LARP1B: variants seen among roughly 807,000 people sequenced by gnomAD.
The protein encoded by LARP1B is la-related protein 1B.
LARP1B carries 76 observed loss-of-function variants against 114.2 expected under a neutral mutation model. The ratio of observed to expected loss-of-function variants is 0.67; its 90% CI spans 0.55 to 0.81. The LOEUF is 0.81. Ranked by LOEUF, LARP1B falls within the 30% of genes least tolerant of loss-of-function variation. LARP1B has a pLI of 0.00. For missense variants in LARP1B, 1,014 were observed against 1,075.8 expected (o/e 0.94, Z 0.80); for synonymous variants, 345 against 348.0 (o/e 0.99, Z 0.10).
chr4:128,069,803 G>A (rs1326054556), intron 1 of LARP1B, among the ~76,000 whole-genome samples: 1 of 151,588 alleles, frequency 6.6e-6, no homozygotes, highest in Non-Finnish European at 1.5e-5. Flanking sequence ...ATTTTTTTCT[G>A]TCTTTTTTAT....
At chr4:128,079,110 T>A (rs531980544) in intron 4 of LARP1B, among the ~76,000 whole-genome samples, 2 of 148,270 alleles carry the variant, frequency 1.3e-5, no homozygotes, top group Non-Finnish European at 1.5e-5. Flanking sequence ...TTTTTTTTTT[T>A]AAGAGACAGA....
Position 128,122,457 on chromosome 4 carries a change from T to TG in LARP1B, c.1524+269_1524+270insG. The stretch of plus-strand genomic sequence containing the variant: ...ACCCTTGTTTTTTTTTTTTTTTGTT[T>TG]TGTTTTTTTTTGTTTTTGTTTTAGG... On this transcript the variant is annotated intron_variant, in intron 11 of 19. Coordinates refer to ENST00000326639, the MANE Select transcript of LARP1B (RefSeq NM_018078.4). The TG allele has an allele frequency of 4.6e-6, 7 of 1,510,336 alleles. No homozygotes were observed. The African/African-American group carries it at 8.6e-5, about 19-fold the overall frequency. 93.6% of individuals were successfully genotyped at this position (1,510,336 alleles called of 1,614,324 possible).
chr4:128,205,674 C>A (rs1757379018), intron 17 of LARP1B, among the ~76,000 whole-genome samples: 1 of 120,502 alleles, frequency 8.3e-6, no homozygotes, highest in Non-Finnish European at 1.9e-5. Context: ...CACCTGGGAT[C>A]TAGGGCACAG....
intron 1 of LARP1B, among the ~76,000 whole-genome samples, chr4:128,072,276 T>C (rs1765677576): frequency 6.6e-6 from 1 of 152,100 alleles, no homozygotes; most frequent in Non-Finnish European, 1.5e-5. Flanking sequence ...GGTGGGATTA[T>C]AGGCGTGAGC....
At chr4:128,153,929 G>A (rs1467496134) in intron 11 of LARP1B, among the ~76,000 whole-genome samples, 2 of 151,950 alleles carry the variant, frequency 1.3e-5, no homozygotes, top group African/African-American at 2.4e-5. Flanking sequence ...TCCACTTATC[G>A]TAACTTCTAA....
chr4:128,210,141 A>T lies in LARP1B; in HGVS notation c.*88A>T. The T allele has an allele frequency of 6.3e-7, 1 of 1,590,284 alleles. No homozygotes were observed. Among genetic ancestry groups the T allele is most frequent in the Non-Finnish European group, 8.6e-7 (1 of 1,166,124 alleles). On this transcript the variant is annotated 3_prime_UTR_variant, in exon 20 of 20. Transcript: ENST00000326639. ...TGAAAGTTCTTTGTCCTTGAAGTCAACATTTACATCAGTATTTATTTGGGG... is the reference window on the plus strand; with the variant it reads ...TGAAAGTTCTTTGTCCTTGAAGTCATCATTTACATCAGTATTTATTTGGGG...
intron 12 of LARP1B, among the ~76,000 whole-genome samples, chr4:128,162,825 A>T (rs1203767953): frequency 6.6e-6 from 1 of 152,194 alleles, no homozygotes; most frequent in Non-Finnish European, 1.5e-5. Context: ...GAATTTTATA[A>T]TAAAACTCCC....
At chr4:128,207,148 A>G in intron 18 of LARP1B, 108 bp from the exon 19 acceptor site, 1 of 487,314 alleles carries the variant, frequency 2.1e-6, no homozygotes, top group Non-Finnish European at 3.4e-6. Context: ...GATCTAGAGT[A>G]AGCATATATT....
At chr4:128,098,749 A>ATG (rs1561199859) in intron 8 of LARP1B, among the ~76,000 whole-genome samples, 497 of 17,844 alleles carry the variant, frequency 0.028, 61 homozygotes, top group East Asian at 0.042. Context: ...ATGTATGTGT[A>ATG]TATATATATA....
intron 4 of LARP1B, among the ~76,000 whole-genome samples, chr4:128,080,217 A>G (rs1034720487): frequency 6.6e-6 from 1 of 151,838 alleles, no homozygotes; most frequent in African/African-American, 2.4e-5. Flanking sequence ...TCCCAACCTC[A>G]GGTGATCTGC....
intron 5 of LARP1B, among the ~76,000 whole-genome samples, chr4:128,084,624 G>A (rs1675408402): frequency 6.6e-6 from 1 of 151,934 alleles, no homozygotes; most frequent in African/African-American, 2.4e-5. Context: ...GAGGGAGAGG[G>A]GAGAGGGGAG....
intron 1 of LARP1B, chr4:128,062,027 T>TCGC (rs1760333820): frequency 1.0e-6 from 1 of 984,844 alleles, no homozygotes; most frequent in South Asian, 4.7e-5. Context: ...GCCGCCGCCG[T>TCGC]CGCCGTTGCC....
chr4:128,210,665 G>A lies in LARP1B; in HGVS notation c.*612G>A. ...AGTAGGAATATATAGTAAGATTGTAGTTACAATGAGTATATGCACTTTTGA... is the reference window on the plus strand; with the variant it reads ...AGTAGGAATATATAGTAAGATTGTAATTACAATGAGTATATGCACTTTTGA... On this transcript the variant is annotated 3_prime_UTR_variant, in exon 20 of 20. Coordinates refer to ENST00000326639, the MANE Select transcript of LARP1B (RefSeq NM_018078.4). The A allele has an allele frequency of 1.0e-6, 1 of 969,972 alleles. No individual in the cohort carries two copies. The highest frequency in any genetic ancestry group is 1.2e-6 in the Non-Finnish European group (1 of 815,874). The allele number at this position is 969,972 out of a possible 1,614,324, so 60.1% of individuals were successfully genotyped here.
At chr4:128,105,698 T>C (rs1422201280) in intron 8 of LARP1B, among the ~76,000 whole-genome samples, 2 of 152,110 alleles carry the variant, frequency 1.3e-5, no homozygotes, top group Admixed American at 1.3e-4. Context: ...AAGACCAGCC[T>C]GGCCAACTTG....
Position 128,107,224 on chromosome 4 carries a change from C to T in LARP1B, c.899C>T (p.Pro300Leu). Residue 300 changes from proline to leucine, a missense_variant, in exon 9 of 20, where the codon CCT becomes CTT. Coordinates refer to ENST00000326639, the MANE Select transcript of LARP1B (RefSeq NM_018078.4). ...IEPEKWPIPG[P>L]PPRSVPPTDF... ...CCAGAAAAATGGCCAATTCCAGGCC[C>T]TCCTCCACGCAGTGTGCCACCAACA... The T allele has an allele frequency of 1.2e-6, 2 of 1,613,984 alleles. No individual in the cohort carries two copies. Among genetic ancestry groups the T allele is most frequent in the Non-Finnish European group, 1.7e-6 (2 of 1,179,902 alleles).
chr4:128,122,459 G>GTTT, intron 11 of LARP1B: 1 of 1,465,312 alleles, frequency 6.8e-7, no homozygotes, highest in African/African-American at 1.6e-5. Context: ...TTTTTGTTTT[G>GTTT]TTTTTTTTTG....
At chr4:128,170,051 T>G (rs1451379577) in intron 12 of LARP1B, among the ~76,000 whole-genome samples, 1 of 152,218 alleles carries the variant, frequency 6.6e-6, no homozygotes, top group African/African-American at 2.4e-5. Flanking sequence ...CTTTTGAGAC[T>G]TCCTCTTTAT....
At chr4:128,097,969 A>T (rs953107513) in intron 7 of LARP1B, among the ~76,000 whole-genome samples, 24 of 152,138 alleles carry the variant, frequency 1.6e-4, no homozygotes, top group Non-Finnish European at 2.9e-5. Flanking sequence ...AATTTTTTGG[A>T]AAATAATATT....
At chr4:128,146,954 C>T (rs1489121302) in intron 11 of LARP1B, among the ~76,000 whole-genome samples, 3 of 152,056 alleles carry the variant, frequency 2.0e-5, no homozygotes, top group African/African-American at 7.2e-5. Context: ...TATTCCTGAC[C>T]AAAAATAAAG....
Sources: allele counts gnomAD v4.1 joint callset (sites outside exome capture counted in the v4.1 genomes callset), GRCh38; gene constraint gnomAD v4.1.1; transcripts MANE v1.5; gene names NCBI Gene and HGNC (gene_info 2026-07-23, HGNC 2026-07-21).